Variants in GPX2 observed in about 807,000 individuals in gnomAD.
GPX2 encodes gastrointestinal glutathione peroxidase.
GPX2 carries 21 observed loss-of-function variants against 14.1 expected under a neutral mutation model. The observed-to-expected ratio is 1.48, with a 90% CI of 1.05 to 2.14. GPX2 has a LOEUF of 2.14. Among genes scored for constraint, GPX2 ranks in the 30% most tolerant of loss-of-function variants. The probability of loss-of-function intolerance (pLI) is 0.00; values close to 1 mark genes in which losing one functional copy is unlikely to be tolerated. For missense variants in GPX2, 241 were observed against 249.8 expected (o/e 0.96, Z 0.24); for synonymous variants, 94 against 95.2 (o/e 0.99, Z 0.07).
intron 1 of GPX2, chr14:64,941,458 A>G: frequency 7.8e-7 from 1 of 1,288,706 alleles, no homozygotes; most frequent in Non-Finnish European, 1.0e-6. Flanking sequence ...AGATGGTGTG[A>G]GGCTGGAGGT....
At chr14:64,941,334 C>T (rs376661842) in intron 1 of GPX2, 4 of 1,203,886 alleles carry the variant, frequency 3.3e-6, no homozygotes, top group South Asian at 1.4e-5. Flanking sequence ...TCCCAAAGCG[C>T]TGGGATTATA....
chr14:64,939,575 C>T lies in GPX2; in HGVS notation c.486G>A (p.Glu162=). ...GGCTGTAGCGTCGGAAGGGCTCTCC[C>T]TCCGGCCCTATGAGGAACTTCTCAA... ...WNFEKFLIGP[E]GEPFRRYSRT... The change falls in exon 2 of 2, where the codon GAG becomes GAA. Residue 162 remains glutamate (E), a synonymous_variant. Coordinates refer to ENST00000389614, the MANE Select transcript of GPX2 (RefSeq NM_002083.4). The surrounding 1 kb of genome is among the most constrained non-coding windows in gnomAD (Gnocchi z 5.7). 6.2e-7 allele frequency: 1 copy of T among 1,614,170 alleles called. No homozygotes were observed. Among genetic ancestry groups the T allele is most frequent in the Non-Finnish European group, 8.5e-7 (1 of 1,180,016 alleles).
At position 64,940,196 on chromosome 14, in the gene GPX2, G is replaced by C. The variant is rs1211720451; in HGVS notation, c.223-358C>G. ...TTTTGTCTCCAGTCTACCCTGAGCAGTTCTTAAGGTGTTTGAAGCAGAAGA... is the reference window on the plus strand; with the variant it reads ...TTTTGTCTCCAGTCTACCCTGAGCACTTCTTAAGGTGTTTGAAGCAGAAGA... On this transcript the variant is annotated intron_variant, in intron 1 of 1. Transcript: ENST00000389614. This position sits in a 1 kb window ranked among gnomAD's most constrained non-coding sequence, Gnocchi z 4.5. The C allele has an allele frequency of 3.0e-6, 4 of 1,312,658 alleles. No individual in the cohort carries two copies. In the African/African-American group the frequency reaches 6.0e-5, roughly 20 times the overall value. The allele number at this position is 1,312,658 out of a possible 1,614,324, so 81.3% of individuals were successfully genotyped here. A position where few individuals can be genotyped will look rare whatever the true frequency, so the allele number is the denominator to read the frequency against.
Position 64,942,536 on chromosome 14 carries a change from A to G in GPX2, c.191T>C (p.Leu64Pro). Residue 64 changes from leucine (L) to proline (P), a missense_variant, in exon 1 of 2, where the codon CTT (leucine) becomes CCT (proline). Physicochemically the swap from Leu to Pro is moderately conservative, Grantham distance 98. Coordinates refer to ENST00000389614, the MANE Select transcript of GPX2 (RefSeq NM_002083.4). ...QCRFPRRLVV[L>P]GFPCNQFGHQ... ...TCCAAATTGGTTGCAAGGGAAGCCA[A>G]GGACCACCAGGCGCCTGGGAAAGCG... 6.2e-7 allele frequency: 1 copy of G among 1,614,192 alleles called. No homozygotes were observed. Among genetic ancestry groups the G allele is most frequent in the Non-Finnish European group, 8.5e-7 (1 of 1,180,022 alleles).
At position 64,940,536 on chromosome 14, in the gene GPX2, C is replaced by T. The variant is rs1324993527; in HGVS notation, c.223-698G>A. The stretch of plus-strand genomic sequence containing the variant: ...AAGGAAGACCCCCATCCAAGAACAT[C>T]TAGTTTTCAGGTGCCATAACAGCAG... On this transcript the variant is annotated intron_variant, in intron 1 of 1. Coordinates refer to ENST00000389614, the MANE Select transcript of GPX2 (RefSeq NM_002083.4). This position sits in a 1 kb window ranked among gnomAD's most constrained non-coding sequence, Gnocchi z 4.5. Among the ~76,000 whole-genome samples the T allele has an allele frequency of 3.3e-5, 5 of 152,168 alleles. No homozygotes were observed. Among genetic ancestry groups the T allele is most frequent in the African/African-American group, 1.2e-4 (5 of 41,420 alleles).
Position 64,939,586 on chromosome 14 carries a change from T to C in GPX2, c.475A>G (p.Ile159Val), listed in dbSNP as rs751194454. 1.2e-6 allele frequency: 2 copies of C among 1,614,122 alleles called. No homozygotes were observed. Among genetic ancestry groups the C allele is most frequent in the South Asian group, 2.2e-5 (2 of 91,072 alleles). Residue 159 changes from isoleucine to valine, a missense_variant, in exon 2 of 2, where the codon ATA (isoleucine) becomes GTA (valine). Ile to Val is a conservative substitution (Grantham distance 29). Transcript: ENST00000389614. This position sits in a 1 kb window ranked among gnomAD's most constrained non-coding sequence, Gnocchi z 5.7. ...CGGAAGGGCTCTCCCTCCGGCCCTA[T>C]GAGGAACTTCTCAAAGTTCCAGGCC... ...DVAWNFEKFL[I>V]GPEGEPFRRY...
At position 64,939,561 on chromosome 14, in the gene GPX2, C is replaced by G; in HGVS notation, c.500G>C (p.Arg167Pro). ...GGTTGGGAAGGTGCGGCTGTAGCGT[C>G]GGAAGGGCTCTCCCTCCGGCCCTAT... ...FLIGPEGEPFRRYSRTFPTIN... is the reference protein window; with the variant it reads ...FLIGPEGEPFPRYSRTFPTIN... The change falls in exon 2 of 2, where the codon CGA becomes CCA. Residue 167 changes from arginine (R) to proline (P), a missense_variant. Coordinates refer to ENST00000389614, the MANE Select transcript of GPX2 (RefSeq NM_002083.4). This position sits in a 1 kb window ranked among gnomAD's most constrained non-coding sequence, Gnocchi z 5.7. 3 of 1,614,156 alleles carry G rather than the reference C, an allele frequency of 1.9e-6. No homozygotes were observed. Among genetic ancestry groups the G allele is most frequent in the Non-Finnish European group, 2.5e-6 (3 of 1,180,030 alleles).
chr14:64,942,732 A>AGCGCAGAGTGAGCC lies in GPX2; in HGVS notation c.-7_-6insGGCTCACTCTGCGC. On this transcript the variant is annotated 5_prime_UTR_variant, in exon 1 of 2. Coordinates refer to ENST00000389614, the MANE Select transcript of GPX2 (RefSeq NM_002083.4). Reference sequence around the variant, plus strand: ...GACTTGGCAATGAAAGCCATGGTGAAGCGCAGAGTGAGCCCCGCAGAGAGG... The same window carrying AGCGCAGAGTGAGCC: ...GACTTGGCAATGAAAGCCATGGTGAAGCGCAGAGTGAGCCGCGCAGAGTGAGCCCCGCAGAGAGG... The AGCGCAGAGTGAGCC allele has an allele frequency of 6.2e-7, 1 of 1,610,846 alleles. No homozygotes were observed. Among genetic ancestry groups the AGCGCAGAGTGAGCC allele is most frequent in the Non-Finnish European group, 8.5e-7 (1 of 1,177,488 alleles).
chr14:64,942,267 C>T (rs1029637623), intron 1 of GPX2, among the ~76,000 whole-genome samples: 2 of 152,200 alleles, frequency 1.3e-5, no homozygotes, highest in Non-Finnish European at 2.9e-5. Context: ...GGAACCAGCC[C>T]TCATGGAGTA....
Position 64,940,391 on chromosome 14 carries a change from G to A in GPX2, c.223-553C>T, listed in dbSNP as rs1240265111. ...TGTGTTGAGTATAGCCTTTGCCTCT[G>A]CCTACTCAGCTCCTTGAACTGAGGG... On this transcript the variant is annotated intron_variant, in intron 1 of 1. Transcript: ENST00000389614. The surrounding 1 kb of genome is among the most constrained non-coding windows in gnomAD (Gnocchi z 4.5). 6.6e-6 allele frequency among the ~76,000 whole-genome samples: 1 copy of A among 152,110 alleles called. No homozygotes were observed. The highest frequency in any genetic ancestry group is 1.5e-5 in the Non-Finnish European group (1 of 68,020).
At position 64,942,586 on chromosome 14, in the gene GPX2, G is replaced by A; in HGVS notation, c.141C>T (p.Phe47=). The change falls in exon 1 of 2, where the codon TTC becomes TTT. Residue 47 remains phenylalanine, a synonymous_variant. Coordinates refer to ENST00000389614, the MANE Select transcript of GPX2 (RefSeq NM_002083.4). ...ASLUGTTTRD[F]TQLNELQCRF... ...GGCATTGCAGCTCGTTGAGCTGGGT[G>A]AAGTCCCGGGTGGTTGTGCCTCAGA... 6.2e-7 allele frequency: 1 copy of A among 1,614,238 alleles called. No homozygotes were observed. The highest frequency in any genetic ancestry group is 1.1e-5 in the South Asian group (1 of 91,088).
In GPX2 at chr14:64,942,603, T is replaced by C. The variant is rs761121658; in HGVS notation, c.124A>G (p.Thr42Ala). Residue 42 changes from threonine to alanine, a missense_variant, in exon 1 of 2, where the codon ACA becomes GCA. Physicochemically the swap from Thr to Ala is moderately conservative, Grantham distance 58 (BLOSUM62 0). Coordinates refer to ENST00000389614, the MANE Select transcript of GPX2 (RefSeq NM_002083.4). ...AGCTGGGTGAAGTCCCGGGTGGTTG[T>C]GCCTCAGAGCGAAGCCACATTCTCA... is the stretch of plus-strand genomic sequence containing the variant. ...LIENVASLUG[T>A]TTRDFTQLNE... 1.9e-6 allele frequency: 3 copies of C among 1,614,188 alleles called. No homozygotes were observed. Among genetic ancestry groups the C allele is most frequent in the Non-Finnish European group, 2.5e-6 (3 of 1,180,026 alleles).
chr14:64,940,217 GAAGA>G lies in GPX2; in HGVS notation c.223-383_223-380del. On this transcript the variant is annotated intron_variant, in intron 1 of 1. Coordinates refer to ENST00000389614, the MANE Select transcript of GPX2 (RefSeq NM_002083.4). The surrounding 1 kb of genome is among the most constrained non-coding windows in gnomAD (Gnocchi z 4.5). ...AGCAGTTCTTAAGGTGTTTGAAGCAGAAGAAAGAGAAAAGAGGCTTAGGTTATAC... is the reference window on the plus strand; with the variant it reads ...AGCAGTTCTTAAGGTGTTTGAAGCAGAAGAGAAAAGAGGCTTAGGTTATAC... 7.7e-7 allele frequency: 1 copy of G among 1,296,562 alleles called. No individual in the cohort carries two copies. The allele number at this position is 1,296,562 out of a possible 1,614,324, so 80.3% of individuals were successfully genotyped here.
chr14:64,939,612 A>T lies in GPX2; in HGVS notation c.449T>A (p.Val150Glu). The T allele has an allele frequency of 1.9e-6, 3 of 1,614,180 alleles. No individual in the cohort carries two copies. The highest frequency in any genetic ancestry group is 2.5e-6 in the Non-Finnish European group (3 of 1,180,022). Reference sequence around the variant, plus strand: ...GAGGAACTTCTCAAAGTTCCAGGCCACATCTGAGCGGCGCACAGGGCTCCA... The same window carrying T: ...GAGGAACTTCTCAAAGTTCCAGGCCTCATCTGAGCGGCGCACAGGGCTCCA... ...IIWSPVRRSD[V>E]AWNFEKFLIG... The change falls in exon 2 of 2, where the codon GTG becomes GAG. Residue 150 changes from valine (V) to glutamate (E), a missense_variant. Coordinates refer to ENST00000389614, the MANE Select transcript of GPX2 (RefSeq NM_002083.4). The surrounding 1 kb of genome is among the most constrained non-coding windows in gnomAD (Gnocchi z 5.7).
Position 64,940,019 on chromosome 14 carries a change from C to T in GPX2, c.223-181G>A. ...GCAGCCTTGAACTTCTGGGCTCAAG[C>T]ATTCCTCCTGCTTCAGCCTCTTTAG... is the stretch of plus-strand genomic sequence containing the variant. On this transcript the variant is annotated intron_variant, in intron 1 of 1. Transcript: ENST00000389614. The surrounding 1 kb of genome is among the most constrained non-coding windows in gnomAD (Gnocchi z 4.5). 6.8e-7 allele frequency: 1 copy of T among 1,475,522 alleles called. No homozygotes were observed. The highest frequency in any genetic ancestry group is 8.9e-7 in the Non-Finnish European group (1 of 1,121,528). 91.4% of individuals were successfully genotyped at this position (1,475,522 alleles called of 1,614,324 possible).
At position 64,940,694 on chromosome 14, in the gene GPX2, G is replaced by T. The variant is rs1328231949; in HGVS notation, c.223-856C>A. On this transcript the variant is annotated intron_variant, in intron 1 of 1. Transcript: ENST00000389614. The surrounding 1 kb of genome is among the most constrained non-coding windows in gnomAD (Gnocchi z 4.5). ...GGGAGGGGGAGTTGAGGAAATAAGT[G>T]CTTGATGGCTAAAGATTGTGAGTAT... 6.6e-6 allele frequency among the ~76,000 whole-genome samples: 1 copy of T among 152,164 alleles called. No individual in the cohort carries two copies. Among genetic ancestry groups the T allele is most frequent in the Non-Finnish European group, 1.5e-5 (1 of 68,036 alleles).
intron 1 of GPX2, among the ~76,000 whole-genome samples, chr14:64,941,727 A>G (rs556315062): frequency 1.8e-4 from 27 of 152,312 alleles, no homozygotes; most frequent in Non-Finnish European, 3.4e-4. Flanking sequence ...CGTTAAAATC[A>G]TAGGTGGAAA....
intron 1 of GPX2, chr14:64,941,652 A>G (rs1566837064): frequency 1.4e-6 from 1 of 691,946 alleles, no homozygotes; most frequent in African/African-American, 1.9e-5. Flanking sequence ...CCTTCATACC[A>G]CTGTGAATTG....
chr14:64,941,352 G>C (rs1885626574), intron 1 of GPX2: 1 of 1,259,238 alleles, frequency 7.9e-7, no homozygotes, highest in Non-Finnish European at 1.0e-6. Flanking sequence ...ATAGGTGTGA[G>C]CCACTGTACC....
Sources: gnomAD v4.1 joint callset for allele counts (sites outside exome capture counted in the v4.1 genomes callset) on GRCh38, gnomAD v4.1.1 for gene constraint, Gnocchi (gnomAD v3.1) non-coding constraint, MANE v1.5 for transcripts, NCBI Gene and HGNC (gene_info 2026-07-23, HGNC 2026-07-21) for gene names.